NLK: variants seen among roughly 807,000 people sequenced by gnomAD.
NLK encodes nemo like kinase, also known as serine/threonine-protein kinase NLK.
In NLK, 11 loss-of-function variants were observed where a neutral mutation model predicts 59.0. The observed-to-expected ratio is 0.19, with a 90% CI of 0.12 to 0.31. The LOEUF (loss-of-function observed/expected upper bound fraction) is 0.31, where lower values mean the gene tolerates loss of function less well. NLK is among the 10% of genes least tolerant of loss of function. The pLI is 1.00. For synonymous variants in NLK, 235 were observed against 235.9 expected, an observed-to-expected ratio of 1.00 and a Z score of 0.03; for missense variants, 410 against 661.1, an observed-to-expected ratio of 0.62 and a Z score of 4.16.
downstream of NLK, among the ~76,000 whole-genome samples, chr17:28,201,177 G>C (rs12946514): frequency 1 from 152,261 of 152,262 alleles, 76,130 homozygotes; most frequent in Middle Eastern, 1. Flanking sequence ...ACCTCCCAGG[G>C]TCAAGCAATT....
At chr17:28,176,762 T>C (rs998351344) in intron 7 of NLK, among the ~76,000 whole-genome samples, 1 of 152,220 alleles carries the variant, frequency 6.6e-6, no homozygotes, top group Non-Finnish European at 1.5e-5. Flanking sequence ...CCAATCCTAG[T>C]CTTGTCTGGA....
intron 1 of NLK, among the ~76,000 whole-genome samples, chr17:28,088,744 A>G (rs1166904209): frequency 6.6e-6 from 1 of 152,126 alleles, no homozygotes; most frequent in Non-Finnish European, 1.5e-5. Flanking sequence ...TTCCAGGCTC[A>G]TCTGTACATT....
chr17:28,176,650 A>G (rs955689958), intron 7 of NLK, among the ~76,000 whole-genome samples: 7 of 152,236 alleles, frequency 4.6e-5, no homozygotes, highest in Non-Finnish European at 8.8e-5. Context: ...TATTCACAGC[A>G]GACTTATTAA....
chr17:28,072,887 C>G (rs545577265), intron 1 of NLK, among the ~76,000 whole-genome samples: 2 of 152,168 alleles, frequency 1.3e-5, no homozygotes, highest in East Asian at 3.9e-4. Flanking sequence ...TGATAATACT[C>G]TTATCTGCTG....
chr17:28,065,534 A>G (rs978798755), intron 1 of NLK, among the ~76,000 whole-genome samples: 2 of 152,194 alleles, frequency 1.3e-5, no homozygotes, highest in Non-Finnish European at 2.9e-5. Flanking sequence ...CTGGGAAGCT[A>G]TTGAATGACT....
At chr17:28,120,717 G>A (rs1362977850) in intron 1 of NLK, among the ~76,000 whole-genome samples, 1 of 152,154 alleles carries the variant, frequency 6.6e-6, no homozygotes, top group African/African-American at 2.4e-5. Context: ...ACTCAGTAGA[G>A]ATAGCACCAT....
At chr17:28,065,512 T>C (rs1454774972) in intron 1 of NLK, among the ~76,000 whole-genome samples, 1 of 152,148 alleles carries the variant, frequency 6.6e-6, no homozygotes, top group Non-Finnish European at 1.5e-5. Context: ...TACCTTGAGA[T>C]TTTATCTGAA....
At chr17:28,119,309 T>C (rs1344384975) in intron 1 of NLK, among the ~76,000 whole-genome samples, 2 of 152,236 alleles carry the variant, frequency 1.3e-5, no homozygotes, top group African/African-American at 4.8e-5. Context: ...AGTTATATTG[T>C]TGCCAGCCAC....
chr17:28,134,899 G>T (rs1906676629), intron 3 of NLK, among the ~76,000 whole-genome samples: 1 of 152,172 alleles, frequency 6.6e-6, no homozygotes, highest in Non-Finnish European at 1.5e-5. Flanking sequence ...TCAACTGTAG[G>T]TCAGTAGTAG....
intron 1 of NLK, among the ~76,000 whole-genome samples, chr17:28,046,778 C>T (rs765460057): frequency 6.6e-6 from 1 of 152,064 alleles, no homozygotes; most frequent in Non-Finnish European, 1.5e-5. Context: ...TTGACATTGG[C>T]AACTTAACAT....
At chr17:28,100,296 G>A (rs1438236605) in intron 1 of NLK, among the ~76,000 whole-genome samples, 1 of 152,052 alleles carries the variant, frequency 6.6e-6, no homozygotes, top group African/African-American at 2.4e-5. Context: ...ATTCATACCA[G>A]CAAATGAGGA....
At chr17:28,147,655 C>G (rs998885293) in intron 3 of NLK, among the ~76,000 whole-genome samples, 1 of 152,080 alleles carries the variant, frequency 6.6e-6, no homozygotes, top group African/African-American at 2.4e-5. Context: ...TCTAAGCAAC[C>G]CTCTCTGTTC....
chr17:28,188,785 T>C (rs1909209021), intron 8 of NLK, among the ~76,000 whole-genome samples: 1 of 152,218 alleles, frequency 6.6e-6, no homozygotes, highest in Admixed American at 6.5e-5. Context: ...GAACAGACCA[T>C]TGACCATAAT....
intron 4 of NLK, among the ~76,000 whole-genome samples, chr17:28,162,918 CAA>C (rs34292175): frequency 5.9e-5 from 7 of 117,794 alleles, no homozygotes; most frequent in East Asian, 2.4e-4. Flanking sequence ...GACCCTGTCT[CAA>C]AAAAAAAAAA....
intron 4 of NLK, among the ~76,000 whole-genome samples, chr17:28,162,583 G>A (rs934788030): frequency 6.6e-6 from 1 of 152,124 alleles, no homozygotes; most frequent in Non-Finnish European, 1.5e-5. Context: ...GCTGCAGGGA[G>A]CCAAGATCGC....
chr17:28,100,190 ATACT>A (rs1904857703), intron 1 of NLK, among the ~76,000 whole-genome samples: 1 of 152,338 alleles, frequency 6.6e-6, no homozygotes. Context: ...TCTTGGGTAA[ATACT>A]TAGGAATGGA....
chr17:28,107,353 T>C (rs1256886062), intron 1 of NLK, among the ~76,000 whole-genome samples: 1 of 151,746 alleles, frequency 6.6e-6, no homozygotes, highest in Non-Finnish European at 1.5e-5. Flanking sequence ...GAGAATCGCT[T>C]GAATCTGGGA....
At chr17:28,176,573 T>A (rs1460562658) in intron 7 of NLK, among the ~76,000 whole-genome samples, 1 of 152,198 alleles carries the variant, frequency 6.6e-6, no homozygotes, top group Non-Finnish European at 1.5e-5. Flanking sequence ...AAGCCAGATG[T>A]TAAAATTAGG....
chr17:28,081,274 C>T (rs1910336604), intron 1 of NLK, among the ~76,000 whole-genome samples: 1 of 151,984 alleles, frequency 6.6e-6, no homozygotes, highest in African/African-American at 2.4e-5. Context: ...GTGATCACAG[C>T]TCACTTCAGC....
Sources: allele counts gnomAD v4.1 joint callset (sites outside exome capture counted in the v4.1 genomes callset), GRCh38; gene constraint gnomAD v4.1.1; transcripts MANE v1.5; gene names NCBI Gene and HGNC (gene_info 2026-07-23, HGNC 2026-07-21).